The following NCKAP5 variants were observed in gnomAD, a reference collection of about 807,000 sequenced individuals.
NCKAP5 encodes the protein NCK associated protein 5.
A neutral mutation model predicts 167.0 loss-of-function variants in NCKAP5; 92 were observed. The observed-to-expected ratio is 0.55, with a 90% CI of 0.47 to 0.66. The LOEUF is 0.66. Among genes scored for constraint, NCKAP5 ranks in the 30% least tolerant of loss-of-function variants. The pLI is 0.00. For missense variants in NCKAP5, 2,378 were observed against 2,315.0 expected (o/e 1.03, Z -0.56); for synonymous variants, 891 against 877.4 (o/e 1.02, Z -0.27).
chr2:133,274,377 TA>T (rs1359375121), intron 4 of NCKAP5, among the ~76,000 whole-genome samples: 1 of 151,962 alleles, frequency 6.6e-6, no homozygotes, highest in East Asian at 1.9e-4. Context: ...TTGAAGGGCT[TA>T]AAAGAATGGA....
At chr2:132,677,177 T>C (rs1282197593) in intron 19 of NCKAP5, among the ~76,000 whole-genome samples, 2 of 152,244 alleles carry the variant, frequency 1.3e-5, no homozygotes, top group South Asian at 4.1e-4. Context: ...TTGTCACCTA[T>C]AGGTGGCAAC....
chr2:133,423,036 A>C (rs1173782280), intron 3 of NCKAP5, among the ~76,000 whole-genome samples: 1 of 152,082 alleles, frequency 6.6e-6, no homozygotes, highest in Non-Finnish European at 1.5e-5. Context: ...CAATACATCT[A>C]ATTTGGGACA....
the NCKAP5 span, among the ~76,000 whole-genome samples, chr2:133,620,213 A>T: frequency 6.6e-6 from 1 of 152,160 alleles, no homozygotes; most frequent in East Asian, 1.9e-4. Flanking sequence ...ATATAGCACA[A>T]TGAATAGAAT....
intron 3 of NCKAP5, among the ~76,000 whole-genome samples, chr2:133,447,007 C>T (rs527764744): frequency 1.6e-4 from 25 of 152,252 alleles, no homozygotes; most frequent in Admixed American, 1.5e-3. Flanking sequence ...TGAGGAAGAT[C>T]GCTCAGGCAA....
chr2:133,506,832 G>A (rs1014170061), intron 3 of NCKAP5, among the ~76,000 whole-genome samples: 1 of 152,112 alleles, frequency 6.6e-6, no homozygotes, highest in East Asian at 1.9e-4. Flanking sequence ...CTTTGATGCA[G>A]TAAACAATAA....
intron 4 of NCKAP5, among the ~76,000 whole-genome samples, chr2:133,226,594 T>A: frequency 1.0e-5 from 1 of 100,206 alleles, no homozygotes; most frequent in African/African-American, 3.8e-5. Flanking sequence ...AAAGGGAAAA[T>A]TTGAAGATAA....
rs116162102 is a variant in NCKAP5, at chr2:133,056,585, G to A, written c.342-62346C>T. Among the ~76,000 whole-genome samples the A allele has an allele frequency of 4.5e-3, 691 of 152,270 alleles. 4 individuals are homozygous for A. Among genetic ancestry groups the A allele is most frequent in the African/African-American group, 0.016 (662 of 41,568 alleles). ...CATGAAATGCTAAATAAAGCTAGAT[G>A]CAGGACTGTGCTAAATACGACCAGG... On this transcript the variant is annotated intron_variant, in intron 6 of 19. Transcript: ENST00000409261.
At chr2:133,155,948 T>C (rs34567682) in intron 5 of NCKAP5, among the ~76,000 whole-genome samples, 28,430 of 152,184 alleles carry the variant, frequency 0.19, 2,858 homozygotes, top group Non-Finnish European at 0.22. Context: ...TGTGGTGAAC[T>C]CTGACTAATA....
chr2:133,213,622 A>G, intron 5 of NCKAP5, 94 bp downstream of exon 5: 1 of 1,222,128 alleles, frequency 8.2e-7, no homozygotes, highest in Non-Finnish European at 1.2e-6. Context: ...CTGCAAGCAA[A>G]TATTTTCCTT....
intron 11 of NCKAP5, among the ~76,000 whole-genome samples, chr2:132,798,675 C>T (rs1181861640): frequency 1.2e-4 from 18 of 152,112 alleles, no homozygotes; most frequent in Admixed American, 1.2e-3. Flanking sequence ...GGCTTTTATC[C>T]AAATGGGTCC....
chr2:133,118,399 T>C (rs1178487964), intron 6 of NCKAP5: 1 of 151,158 alleles, frequency 6.6e-6, no homozygotes, highest in Non-Finnish European at 1.5e-5. Context: ...ATAAATTAGA[T>C]TTTTTTTAAA....
At position 132,783,285 on chromosome 2, in the gene NCKAP5, T is replaced by A; in HGVS notation, c.3526A>T (p.Asn1176Tyr). ...VPGKHEKDSLNEASKSSVAVN... is the reference protein window; with the variant it reads ...VPGKHEKDSLYEASKSSVAVN... ...GCCACGGAACTTTTGGAGGCTTCAT[T>A]TAAACTGTCTTTTTCATGTTTCCCT... The change falls in exon 14 of 20, where the codon AAT becomes TAT. Residue 1176 changes from asparagine to tyrosine, a missense_variant. By Grantham distance (143) the Asn-to-Tyr change is moderately radical (BLOSUM62 -2). Around this residue, in one of 3 missense-constraint regions of NCKAP5, gnomAD observed 1,325 missense variants for 1,274.5 expected, o/e 1.04. Transcript: ENST00000409261. 6.2e-7 allele frequency: 1 copy of A among 1,613,950 alleles called. No individual in the cohort carries two copies. The highest frequency in any genetic ancestry group is 8.5e-7 in the Non-Finnish European group (1 of 1,179,886).
chr2:133,310,741 G>T (rs2150610476), intron 3 of NCKAP5, among the ~76,000 whole-genome samples: 1 of 152,276 alleles, frequency 6.6e-6, no homozygotes, highest in South Asian at 2.1e-4. Flanking sequence ...AACATCTCAA[G>T]CACTCAAAGG....
intron 6 of NCKAP5, among the ~76,000 whole-genome samples, chr2:133,100,423 A>G (rs1432896422): frequency 6.6e-6 from 1 of 152,202 alleles, no homozygotes; most frequent in Non-Finnish European, 1.5e-5. Flanking sequence ...TTTACAGATA[A>G]TGAAACAGAA....
intron 4 of NCKAP5, among the ~76,000 whole-genome samples, chr2:133,240,487 T>C: frequency 6.6e-6 from 1 of 152,160 alleles, no homozygotes; most frequent in Non-Finnish European, 1.5e-5. Context: ...CATAACTGAT[T>C]TATTTTTCAT....
chr2:133,572,557 G>A (rs558242307), upstream of NCKAP5, among the ~76,000 whole-genome samples: 206 of 152,306 alleles, frequency 1.4e-3, 1 homozygote, highest in Middle Eastern at 6.8e-3. Flanking sequence ...GGCGGTGGGG[G>A]AATTCAGTAT....
intron 12 of NCKAP5, among the ~76,000 whole-genome samples, chr2:132,794,243 TATATATATATATATATATATAGAGAG>T (rs1157101294): frequency 4.3e-4 from 25 of 57,820 alleles, no homozygotes; most frequent in African/African-American, 1.6e-3. Context: ...TATATATATA[TATATATATATATATATATATAGAGAG>T]AGAGAGAGAG....
chr2:132,866,496 T>G (rs552043117), intron 10 of NCKAP5, among the ~76,000 whole-genome samples: 1 of 152,192 alleles, frequency 6.6e-6, no homozygotes, highest in Non-Finnish European at 1.5e-5. Context: ...TCCACAGGTT[T>G]TTGAGATAAA....
chr2:133,045,294 A>G (rs971192902), intron 6 of NCKAP5, among the ~76,000 whole-genome samples: 2 of 152,108 alleles, frequency 1.3e-5, no homozygotes, highest in Non-Finnish European at 2.9e-5. Flanking sequence ...GTATGTTATC[A>G]GTTTATGATG....
Sources: allele counts gnomAD v4.1 joint callset (sites outside exome capture counted in the v4.1 genomes callset), GRCh38; gene constraint gnomAD v4.1.1; regional missense constraint gnomAD v4.1.1; transcripts MANE v1.5; gene names NCBI Gene and HGNC (gene_info 2026-07-23, HGNC 2026-07-21).